STAU2: variants seen among roughly 807,000 people sequenced by gnomAD.
STAU2 encodes the protein double-stranded RNA-binding protein Staufen homolog 2.
In STAU2, 20 loss-of-function variants were observed where a neutral mutation model predicts 65.9. That is an observed-to-expected ratio of 0.30 (90% confidence interval 0.21 to 0.44). STAU2 has a LOEUF of 0.44. Among genes scored for constraint, STAU2 ranks in the 20% least tolerant of loss-of-function variants. The pLI is 1.00. For synonymous variants in STAU2, 232 were observed against 233.9 expected, an observed-to-expected ratio of 0.99 and a Z score of 0.07; for missense variants, 558 against 683.9, an observed-to-expected ratio of 0.82 and a Z score of 2.05.
intron 6 of STAU2, among the ~76,000 whole-genome samples, chr8:73,620,684 G>GA (rs1457368066): frequency 3.2e-4 from 49 of 152,236 alleles, no homozygotes; most frequent in African/African-American, 1.2e-3. Flanking sequence ...AGTATCAGAG[G>GA]AAAAATTAAG....
At chr8:73,742,649 G>T (rs560108649) in intron 1 of STAU2, among the ~76,000 whole-genome samples, 21 of 151,728 alleles carry the variant, frequency 1.4e-4, no homozygotes, top group African/African-American at 4.8e-4. Context: ...TCCCAAAAAT[G>T]CCCTATCTGG....
chr8:73,586,258 C>T (rs866592416), intron 11 of STAU2, among the ~76,000 whole-genome samples: 9 of 152,216 alleles, frequency 5.9e-5, no homozygotes, highest in Middle Eastern at 6.8e-3. Context: ...ACCCAGAACC[C>T]TAGAAAGCCT....
intron 6 of STAU2, chr8:73,653,817 T>G (rs78369704): frequency 7.4e-6 from 3 of 408,086 alleles, no homozygotes; most frequent in African/African-American, 2.1e-5. Context: ...AGAGATACAG[T>G]ATGCAGCATT....
At chr8:73,463,000 C>G (rs1286695991) in intron 13 of STAU2, among the ~76,000 whole-genome samples, 1 of 152,192 alleles carries the variant, frequency 6.6e-6, no homozygotes, top group Non-Finnish European at 1.5e-5. Flanking sequence ...GGGAAAGCCC[C>G]TTCTTCTTCC....
At chr8:73,482,469 C>A (rs1465327420) in intron 13 of STAU2, among the ~76,000 whole-genome samples, 1 of 152,004 alleles carries the variant, frequency 6.6e-6, no homozygotes, top group East Asian at 1.9e-4. Context: ...AAATCCTTCG[C>A]CTTGGCACTT....
intron 13 of STAU2, among the ~76,000 whole-genome samples, chr8:73,504,972 A>G (rs995168096): frequency 6.6e-6 from 1 of 152,134 alleles, no homozygotes; most frequent in African/African-American, 2.4e-5. Flanking sequence ...ACTTTGTAGT[A>G]TCTCACAAGA....
intron 6 of STAU2, among the ~76,000 whole-genome samples, chr8:73,622,569 G>A (rs1251375187): frequency 6.6e-6 from 1 of 152,118 alleles, no homozygotes; most frequent in Non-Finnish European, 1.5e-5. Flanking sequence ...GCAGAGTCCA[G>A]GAAATTCCGT....
chr8:73,647,825 C>T (rs1227500521), intron 6 of STAU2, among the ~76,000 whole-genome samples: 1 of 152,142 alleles, frequency 6.6e-6, no homozygotes, highest in Non-Finnish European at 1.5e-5. Context: ...AGCTATCTGT[C>T]CCACCTGGGC....
chr8:73,557,329 G>A (rs1180857184), intron 12 of STAU2, among the ~76,000 whole-genome samples: 1 of 152,150 alleles, frequency 6.6e-6, no homozygotes, highest in East Asian at 1.9e-4. Context: ...TAAAAACATA[G>A]ATTTATGTGG....
At chr8:73,620,455 CACAGAG>C (rs1178336643) in intron 6 of STAU2, among the ~76,000 whole-genome samples, 1 of 152,192 alleles carries the variant, frequency 6.6e-6, no homozygotes, top group African/African-American at 2.4e-5. Context: ...TTTGGTTTGC[CACAGAG>C]ACAAACAAAA....
chr8:73,715,574 A>G (rs909931653), intron 3 of STAU2, among the ~76,000 whole-genome samples: 3 of 152,168 alleles, frequency 2.0e-5, no homozygotes, highest in Admixed American at 2.0e-4. Flanking sequence ...TATGTGGGGA[A>G]AATGGGTGAG....
intron 6 of STAU2, among the ~76,000 whole-genome samples, chr8:73,664,841 A>G (rs1360486041): frequency 6.6e-6 from 1 of 151,962 alleles, no homozygotes; most frequent in African/African-American, 2.4e-5. Flanking sequence ...AAATGCAAAA[A>G]ATTAGCCAGG....
intron 12 of STAU2, among the ~76,000 whole-genome samples, chr8:73,567,652 A>G (rs1024569826): frequency 2.0e-5 from 3 of 151,642 alleles, no homozygotes; most frequent in African/African-American, 7.3e-5. Context: ...GGTTCAAGCA[A>G]TTCTCCCACC....
intron 10 of STAU2, among the ~76,000 whole-genome samples, chr8:73,602,760 A>T (rs781399150): frequency 6.6e-6 from 1 of 151,952 alleles, no homozygotes; most frequent in South Asian, 2.1e-4. Context: ...ATTAAAAAAC[A>T]GCTTGGGGAA....
intron 13 of STAU2, among the ~76,000 whole-genome samples, chr8:73,478,857 G>A (rs1231336738): frequency 6.6e-6 from 1 of 152,124 alleles, no homozygotes; most frequent in Admixed American, 6.6e-5. Context: ...TGGATAAATA[G>A]ATTAGATAGA....
intron 6 of STAU2, among the ~76,000 whole-genome samples, chr8:73,618,719 T>C (rs1282309928): frequency 6.6e-6 from 1 of 152,214 alleles, no homozygotes. Context: ...GGATATCTAA[T>C]AGGCTACTGG....
chr8:73,600,603 C>T (rs1412180438), intron 10 of STAU2, among the ~76,000 whole-genome samples: 1 of 152,224 alleles, frequency 6.6e-6, no homozygotes, highest in Non-Finnish European at 1.5e-5. Context: ...TCATCAGTCC[C>T]TATGTTGCTG....
Position 73,613,840 on chromosome 8 carries a change from C to T in STAU2, c.795G>A (p.Ala265=), listed in dbSNP as rs368673903. The T allele has an allele frequency of 1.3e-4, 212 of 1,613,560 alleles. No homozygotes were observed. Among genetic ancestry groups the T allele is most frequent in the Non-Finnish European group, 1.6e-4 (187 of 1,179,826 alleles). ...NSKKLSKKRA[A]TTVLQELKKL... is the part of the protein sequence containing the mutation. The stretch of plus-strand genomic sequence containing the variant: ...TTTTAAGCTCCTGTAAGACGGTGGT[C>T]GCAGCGCGCTTCTTGGAGAGTTTTT... Residue 265 remains alanine, a synonymous_variant, in exon 9 of 15, where the codon GCG becomes GCA. Coordinates refer to ENST00000524300, the MANE Select transcript of STAU2 (RefSeq NM_001164380.2).
chr8:73,545,519 A>T (rs889770274), intron 13 of STAU2, among the ~76,000 whole-genome samples: 1 of 152,216 alleles, frequency 6.6e-6, no homozygotes, highest in Non-Finnish European at 1.5e-5. Context: ...AGTAAAAACA[A>T]GTAAACTACA....
Sources: gnomAD v4.1 joint callset for allele counts (sites outside exome capture counted in the v4.1 genomes callset) on GRCh38, gnomAD v4.1.1 for gene constraint, MANE v1.5 for transcripts, NCBI Gene and HGNC (gene_info 2026-07-23, HGNC 2026-07-21) for gene names.